Variants in GLIS3 observed in about 807,000 individuals in gnomAD.
GLIS3 encodes the protein GLIS family zinc finger 3, also known as zinc finger protein GLIS3.
In GLIS3, 53 loss-of-function variants were observed where a neutral mutation model predicts 78.6. The observed-to-expected ratio is 0.67, with a 90% confidence interval of 0.54 to 0.85. The LOEUF is 0.85. GLIS3 is among the 40% of genes least tolerant of loss of function. GLIS3 has a pLI of 0.00. For missense variants in GLIS3, 1,703 were observed against 1,231.1 expected (o/e 1.38, Z -5.74); for synonymous variants, 684 against 509.9 (o/e 1.34, Z -4.60).
intron 4 of GLIS3, among the ~76,000 whole-genome samples, chr9:3,999,553 T>C (rs970279095): frequency 3.9e-5 from 6 of 152,024 alleles, no homozygotes; most frequent in East Asian, 3.9e-4. Context: ...CTAACAAAAA[T>C]TGTATGAGAT....
At chr9:3,830,166 A>G (rs1300717840) in intron 9 of GLIS3, among the ~76,000 whole-genome samples, 3 of 152,208 alleles carry the variant, frequency 2.0e-5, no homozygotes, top group Non-Finnish European at 4.4e-5. Context: ...TTTGAAAATA[A>G]TCATCAACCT....
intron 6 of GLIS3, among the ~76,000 whole-genome samples, chr9:3,908,622 C>T (rs996958829): frequency 1.3e-5 from 2 of 151,118 alleles, no homozygotes; most frequent in South Asian, 2.1e-4. Flanking sequence ...TACTGCATGC[C>T]GAAATTTGAG....
chr9:4,291,306 G>C (rs1293451835), intron 1 of GLIS3, among the ~76,000 whole-genome samples: 8 of 152,182 alleles, frequency 5.3e-5, no homozygotes, highest in Middle Eastern at 3.4e-3. Flanking sequence ...GATTCTTCAA[G>C]ACCATTCTTC....
intron 2 of GLIS3, among the ~76,000 whole-genome samples, chr9:4,217,562 A>C (rs1820966523): frequency 6.6e-6 from 1 of 152,222 alleles, no homozygotes; most frequent in Non-Finnish European, 1.5e-5. Context: ...ACTGTGTTTA[A>C]GGCAGGCTAC....
chr9:4,056,023 T>C (rs77482450), intron 4 of GLIS3, among the ~76,000 whole-genome samples: 3 of 152,216 alleles, frequency 2.0e-5, no homozygotes, highest in South Asian at 2.1e-4. Flanking sequence ...AGGATGATCA[T>C]GCGCAATTAA....
At chr9:3,953,514 A>G (rs1488677906) in intron 4 of GLIS3, among the ~76,000 whole-genome samples, 1 of 152,132 alleles carries the variant, frequency 6.6e-6, no homozygotes, top group Non-Finnish European at 1.5e-5. Flanking sequence ...TTGTAAAGTG[A>G]GGGTTTGAGT....
intron 4 of GLIS3, among the ~76,000 whole-genome samples, chr9:4,072,348 A>T (rs1189189418): frequency 1.3e-5 from 2 of 152,186 alleles, no homozygotes; most frequent in Non-Finnish European, 1.5e-5. Flanking sequence ...AAAAGATTCA[A>T]ACTATTAAGC....
the GLIS3 span, among the ~76,000 whole-genome samples, chr9:4,381,044 TA>T: frequency 1.9e-3 from 290 of 152,036 alleles, 1 homozygote; most frequent in African/African-American, 6.8e-3. Flanking sequence ...TGTTGATGGG[TA>T]AAAAGATAGG....
chr9:4,042,320 T>G (rs1424658574), intron 4 of GLIS3, among the ~76,000 whole-genome samples: 1 of 152,074 alleles, frequency 6.6e-6, no homozygotes, highest in African/African-American at 2.4e-5. Flanking sequence ...AATAGAGAAG[T>G]GAAATGGGAA....
At chr9:4,163,407 T>C (rs944335546) in intron 2 of GLIS3, among the ~76,000 whole-genome samples, 1 of 152,244 alleles carries the variant, frequency 6.6e-6, no homozygotes, top group Non-Finnish European at 1.5e-5. Flanking sequence ...ATTTTACAGA[T>C]GAACAAGAAA....
chr9:4,397,938 C>A, the GLIS3 span, among the ~76,000 whole-genome samples: 1 of 152,044 alleles, frequency 6.6e-6, no homozygotes, highest in Non-Finnish European at 1.5e-5. Context: ...GTCCCTGCAT[C>A]CAGTTCCCCA....
intron 9 of GLIS3, among the ~76,000 whole-genome samples, chr9:3,846,551 G>C (rs183790284): frequency 6.6e-6 from 1 of 152,176 alleles, no homozygotes; most frequent in Non-Finnish European, 1.5e-5. Flanking sequence ...TTAAACTTGA[G>C]AACCTCAGAA....
At chr9:3,929,056 T>A (rs1825438874) in intron 6 of GLIS3, among the ~76,000 whole-genome samples, 1 of 152,218 alleles carries the variant, frequency 6.6e-6, no homozygotes, top group African/African-American at 2.4e-5. Context: ...CTTATTTCAC[T>A]TACTCATTAT....
intron 4 of GLIS3, among the ~76,000 whole-genome samples, chr9:4,109,896 C>A (rs1042972741): frequency 2.6e-5 from 4 of 152,158 alleles, no homozygotes; most frequent in African/African-American, 9.7e-5. Context: ...TTACTGTCTT[C>A]TTTCAGGATG....
intron 4 of GLIS3, among the ~76,000 whole-genome samples, chr9:3,978,848 C>T (rs1304290927): frequency 1.3e-5 from 2 of 151,928 alleles, no homozygotes; most frequent in Non-Finnish European, 2.9e-5. Flanking sequence ...CACATGTGCA[C>T]AAAACCAACC....
At chr9:4,163,742 G>T (rs1835681057) in intron 2 of GLIS3, among the ~76,000 whole-genome samples, 1 of 152,176 alleles carries the variant, frequency 6.6e-6, no homozygotes, top group Non-Finnish European at 1.5e-5. Flanking sequence ...GTATCTCACA[G>T]GATTCTTGAG....
At chr9:4,151,265 G>A (rs1042630199) in intron 2 of GLIS3, among the ~76,000 whole-genome samples, 2 of 152,162 alleles carry the variant, frequency 1.3e-5, no homozygotes, top group Admixed American at 6.5e-5. Flanking sequence ...CAAAATGTAT[G>A]ACTCTTCAGG....
chr9:4,381,286 G>C, the GLIS3 span, among the ~76,000 whole-genome samples: 1 of 152,140 alleles, frequency 6.6e-6, no homozygotes, highest in Non-Finnish European at 1.5e-5. Context: ...AAAGTACTTT[G>C]AAAAGTATAA....
intron 2 of GLIS3, among the ~76,000 whole-genome samples, chr9:4,157,133 G>C (rs190491746): frequency 6.6e-6 from 1 of 152,204 alleles, no homozygotes; most frequent in African/African-American, 2.4e-5. Flanking sequence ...TCAGAAAGGT[G>C]CGTGCGGTAA....
Sources: gnomAD v4.1 joint callset for allele counts (sites outside exome capture counted in the v4.1 genomes callset) on GRCh38, gnomAD v4.1.1 for gene constraint, MANE v1.5 for transcripts, NCBI Gene and HGNC (gene_info 2026-07-23, HGNC 2026-07-21) for gene names.